Variants in CDKAL1 observed in about 807,000 individuals in gnomAD.
CDKAL1 encodes threonylcarbamoyladenosine tRNA methylthiotransferase.
CDKAL1 carries 32 observed loss-of-function variants against 68.2 expected under a neutral mutation model. The ratio of observed to expected loss-of-function variants is 0.47; its 90% CI spans 0.35 to 0.63. CDKAL1 has a LOEUF of 0.63. Among genes scored for constraint, CDKAL1 ranks in the 30% least tolerant of loss-of-function variants. The pLI is 0.00. For synonymous variants in CDKAL1, 234 were observed against 244.3 expected, an observed-to-expected ratio of 0.96 and a Z score of 0.39; for missense variants, 606 against 696.7, an observed-to-expected ratio of 0.87 and a Z score of 1.47.
At chr6:20,620,944 G>C (rs1767164652) in intron 4 of CDKAL1, among the ~76,000 whole-genome samples, 1 of 151,802 alleles carries the variant, frequency 6.6e-6, no homozygotes, top group African/African-American at 2.4e-5. Flanking sequence ...TTTATCTAAT[G>C]TCCCTTTTCT....
chr6:21,175,566 G>A (rs1777543598), intron 13 of CDKAL1, among the ~76,000 whole-genome samples: 2 of 152,046 alleles, frequency 1.3e-5, no homozygotes, highest in Admixed American at 1.3e-4. Context: ...CACAGATTTA[G>A]CCTTTTATTT....
intron 12 of CDKAL1, among the ~76,000 whole-genome samples, chr6:21,095,574 C>T (rs1018788031): frequency 6.6e-6 from 1 of 151,018 alleles, no homozygotes; most frequent in African/African-American, 2.4e-5. Flanking sequence ...TCCCCCCAAC[C>T]CCCCTCCTAC....
chr6:20,557,148 T>G (rs981164978), intron 4 of CDKAL1, among the ~76,000 whole-genome samples: 9 of 151,722 alleles, frequency 5.9e-5, no homozygotes, highest in African/African-American at 2.2e-4. Flanking sequence ...GACTTAAAAT[T>G]ATATGTGTAA....
At chr6:20,862,682 T>C (rs974784390) in intron 9 of CDKAL1, among the ~76,000 whole-genome samples, 6 of 151,206 alleles carry the variant, frequency 4.0e-5, no homozygotes, top group East Asian at 2.0e-4. Context: ...CATGCGCGCG[T>C]GCGCATATAC....
At chr6:20,688,311 A>G (rs1229706469) in intron 5 of CDKAL1, among the ~76,000 whole-genome samples, 8 of 151,964 alleles carry the variant, frequency 5.3e-5, no homozygotes, top group African/African-American at 1.9e-4. Flanking sequence ...ACTGCTCTGT[A>G]TATTTCTGCT....
intron 5 of CDKAL1, among the ~76,000 whole-genome samples, chr6:20,654,785 C>G (rs2127765398): frequency 6.6e-6 from 1 of 152,194 alleles, no homozygotes; most frequent in Middle Eastern, 3.4e-3. Flanking sequence ...TGAATCTGTT[C>G]TGGGTCCTCT....
At chr6:21,073,199 C>T (rs1436072616) in intron 12 of CDKAL1, among the ~76,000 whole-genome samples, 7 of 152,092 alleles carry the variant, frequency 4.6e-5, no homozygotes, top group Non-Finnish European at 1.0e-4. Context: ...ATTGTGTGGA[C>T]GTAACACAAT....
chr6:21,228,424 A>G (rs577044202), intron 15 of CDKAL1, among the ~76,000 whole-genome samples: 2 of 152,204 alleles, frequency 1.3e-5, no homozygotes, highest in South Asian at 4.1e-4. Flanking sequence ...AAATTAATCA[A>G]CCTCTTAATT....
chr6:20,649,291 A>C lies in CDKAL1; in HGVS notation c.287-2A>C. ...TCTTTTTTGTGTTCATTTTTTTAATAGAAAATGCATCCGATGCAGATTTAT... is the reference window on the plus strand; with the variant it reads ...TCTTTTTTGTGTTCATTTTTTTAATCGAAAATGCATCCGATGCAGATTTAT... On this transcript the variant is annotated splice_acceptor_variant, in intron 4 of 15. Coordinates refer to ENST00000274695, the MANE Select transcript of CDKAL1 (RefSeq NM_017774.3). LOFTEE classifies it high-confidence loss of function. 6.2e-7 allele frequency: 1 copy of C among 1,601,352 alleles called. No individual in the cohort carries two copies. The highest frequency in any genetic ancestry group is 8.5e-7 in the Non-Finnish European group (1 of 1,173,350).
chr6:21,142,082 A>G (rs1454434686), intron 13 of CDKAL1, among the ~76,000 whole-genome samples: 1 of 152,134 alleles, frequency 6.6e-6, no homozygotes, highest in Non-Finnish European at 1.5e-5. Flanking sequence ...GCTGGTCCTC[A>G]GTAGTGTGCA....
At chr6:20,931,919 A>T (rs1006422511) in intron 9 of CDKAL1, among the ~76,000 whole-genome samples, 1 of 152,240 alleles carries the variant, frequency 6.6e-6, no homozygotes, top group African/African-American at 2.4e-5. Flanking sequence ...AGTATAGGTT[A>T]TCTTCATATA....
Position 20,675,079 on chromosome 6 carries a change from T to A in CDKAL1, c.371+25702T>A, listed in dbSNP as rs190532321. Among the ~76,000 whole-genome samples the A allele has an allele frequency of 1.2e-4, 18 of 152,194 alleles. No individual in the cohort carries two copies. The East Asian group carries it at 1.4e-3, about 11-fold the overall frequency. On this transcript the variant is annotated intron_variant, in intron 5 of 15. Coordinates refer to ENST00000274695, the MANE Select transcript of CDKAL1 (RefSeq NM_017774.3). ...AGTAAATTTCATATGGTTTTTTTTT[T>A]AAATTGTTGTATTCTTGGCAAAAAA...
At chr6:20,860,238 T>C (rs896060931) in intron 9 of CDKAL1, among the ~76,000 whole-genome samples, 10 of 151,926 alleles carry the variant, frequency 6.6e-5, no homozygotes, top group African/African-American at 2.4e-4. Context: ...CCACCACGCC[T>C]GGCTAATTTT....
chr6:20,732,133 C>A (rs563732790), intron 5 of CDKAL1, among the ~76,000 whole-genome samples: 5 of 152,110 alleles, frequency 3.3e-5, no homozygotes, highest in African/African-American at 1.2e-4. Context: ...GCAGCCTCGA[C>A]CTTCTGGGCT....
chr6:21,134,286 G>C (rs921070789), intron 13 of CDKAL1, among the ~76,000 whole-genome samples: 50 of 152,196 alleles, frequency 3.3e-4, no homozygotes, highest in Admixed American at 3.3e-3. Flanking sequence ...GAGAGATTTA[G>C]TGTGCATTAA....
intron 9 of CDKAL1, among the ~76,000 whole-genome samples, chr6:20,878,050 A>G (rs1760616914): frequency 6.6e-6 from 1 of 152,170 alleles, no homozygotes; most frequent in Admixed American, 6.5e-5. Flanking sequence ...AACTTGCTCT[A>G]ATTTCTCCTA....
At chr6:20,775,103 A>C (rs1775115466) in intron 7 of CDKAL1, among the ~76,000 whole-genome samples, 1 of 152,204 alleles carries the variant, frequency 6.6e-6, no homozygotes, top group Admixed American at 6.5e-5. Context: ...CATATATGCC[A>C]GTCTTCCTTT....
At chr6:20,609,607 G>A (rs765323863) in intron 4 of CDKAL1, among the ~76,000 whole-genome samples, 2 of 151,758 alleles carry the variant, frequency 1.3e-5, no homozygotes, top group Non-Finnish European at 2.9e-5. Flanking sequence ...TGTTGTTCAG[G>A]CTGGTCTCAA....
intron 5 of CDKAL1, among the ~76,000 whole-genome samples, chr6:20,731,038 GT>G (rs1179206268): frequency 1.3e-5 from 2 of 152,102 alleles, no homozygotes; most frequent in Admixed American, 1.3e-4. Flanking sequence ...ATGGCTTAAT[GT>G]CAAGTGCATG....
Sources: allele counts gnomAD v4.1 joint callset (sites outside exome capture counted in the v4.1 genomes callset), GRCh38; gene constraint gnomAD v4.1.1; transcripts MANE v1.5; gene names NCBI Gene and HGNC (gene_info 2026-07-23, HGNC 2026-07-21).